The following ALDH7A1 variants were observed in gnomAD, a reference collection of about 807,000 sequenced individuals.
ALDH7A1 encodes aldehyde dehydrogenase 7 family member A1.
In ALDH7A1, 63 loss-of-function variants were observed where a neutral mutation model predicts 79.9. That is an observed-to-expected ratio of 0.79 (90% confidence interval 0.64 to 0.97). The LOEUF (loss-of-function observed/expected upper bound fraction) is 0.97. Ranked by LOEUF, ALDH7A1 falls within the 50% of genes least tolerant of loss-of-function variation. The probability of loss-of-function intolerance (pLI) is 0.00; values close to 1 mark genes in which losing one functional copy is unlikely to be tolerated. For synonymous variants in ALDH7A1, 240 were observed against 231.2 expected (o/e 1.04, Z -0.34); for missense variants, 627 against 665.2 (o/e 0.94, Z 0.63).
intron 12 of ALDH7A1, 137 bp downstream of exon 12, chr5:126,555,794 C>A (rs1750172980): frequency 7.0e-6 from 5 of 711,968 alleles, no homozygotes; most frequent in South Asian, 1.5e-5. Flanking sequence ...ACACGATACA[C>A]CAAAGCCTAA....
intron 3 of ALDH7A1, among the ~76,000 whole-genome samples, chr5:126,590,481 C>T (rs1484744799): frequency 1.3e-5 from 2 of 152,058 alleles, no homozygotes; most frequent in Non-Finnish European, 2.9e-5. Flanking sequence ...ATCACTTGAA[C>T]CCGAAAGGCA....
At chr5:126,585,582 C>T (rs913357585) in intron 3 of ALDH7A1, among the ~76,000 whole-genome samples, 3 of 152,014 alleles carry the variant, frequency 2.0e-5, no homozygotes, top group Admixed American at 6.6e-5. Flanking sequence ...TTTTTTGAGA[C>T]GGGGTCTCGC....
chr5:126,571,277 A>T, intron 7 of ALDH7A1: 1 of 237,434 alleles, frequency 4.2e-6, no homozygotes, highest in South Asian at 5.3e-5. Context: ...GAGGAGTTCA[A>T]CACCAGCCTG....
intron 12 of ALDH7A1, chr5:126,555,367 C>T (rs1750155327): frequency 6.5e-6 from 1 of 154,270 alleles, no homozygotes; most frequent in South Asian, 2.0e-4. Context: ...CCTGTAATCC[C>T]AGCTATTCGA....
chr5:126,550,313 AAG>A lies in ALDH7A1; in HGVS notation c.1318-22_1318-21del. 1 of 1,559,896 alleles carries A rather than the reference AAG, an allele frequency of 6.4e-7. No individual in the cohort carries two copies. The highest frequency in any genetic ancestry group is 8.8e-7 in the Non-Finnish European group (1 of 1,132,128). On this transcript the variant is annotated intron_variant, in intron 14 of 17. Coordinates refer to ENST00000409134, the MANE Select transcript of ALDH7A1 (RefSeq NM_001182.5). ...TTCATTCTAAAAGGAGAGACATTGGAAGCTGTAAGATGTTATAGTGTTCAAGT... is the reference window on the plus strand; with the variant it reads ...TTCATTCTAAAAGGAGAGACATTGGACTGTAAGATGTTATAGTGTTCAAGT...
rs115541004 is a variant in ALDH7A1, at chr5:126,563,497, T to A, written c.872-2373A>T. ...GTTATATAGCAGGCCATGAATGCCA[T>A]TCTTTTTTTTCAGTCAGAGTCTTGC... On this transcript the variant is annotated intron_variant, in intron 9 of 17. Transcript: ENST00000409134. Among the ~76,000 whole-genome samples the A allele has an allele frequency of 6.8e-3, 1,035 of 152,308 alleles. 9 individuals are homozygous for A. The highest frequency in any genetic ancestry group is 0.023 in the African/African-American group (950 of 41,554).
chr5:126,592,633 TC>T, intron 3 of ALDH7A1, 30 bp downstream of exon 3: 1 of 1,606,214 alleles, frequency 6.2e-7, no homozygotes, highest in East Asian at 2.2e-5. Context: ...AGTGATCTTT[TC>T]TGAATTCTAG....
Position 126,571,202 on chromosome 5 carries a change from G to C in ALDH7A1, c.696-343C>G, listed in dbSNP as rs77919877. 5.0e-3 allele frequency: 1,539 copies of C among 307,478 alleles called. 25 individuals carry two copies. The highest frequency in any genetic ancestry group is 0.033 in the African/African-American group (1,440 of 43,068). 19.0% of individuals were successfully genotyped at this position (307,478 alleles called of 1,614,324 possible). A position where few individuals can be genotyped will look rare whatever the true frequency, so the allele number is the denominator to read the frequency against. ...AGCCCTAAAAGAATCTTGAGGCCAGGTGTGGTGGCTCATGCCTGCAATCCC... is the reference window on the plus strand; with the variant it reads ...AGCCCTAAAAGAATCTTGAGGCCAGCTGTGGTGGCTCATGCCTGCAATCCC... On this transcript the variant is annotated intron_variant, in intron 7 of 17. Coordinates refer to ENST00000409134, the MANE Select transcript of ALDH7A1 (RefSeq NM_001182.5).
At chr5:126,594,851 AAG>A (rs1182246909) in intron 1 of ALDH7A1, among the ~76,000 whole-genome samples, 154 bp downstream of exon 1, 1 of 151,714 alleles carries the variant, frequency 6.6e-6, no homozygotes, top group Non-Finnish European at 1.5e-5. Flanking sequence ...TTTTGTTTTA[AAG>A]GCACCCTACA....
At chr5:126,556,530 C>T (rs544612293) in intron 11 of ALDH7A1, among the ~76,000 whole-genome samples, 2 of 152,264 alleles carry the variant, frequency 1.3e-5, no homozygotes, top group East Asian at 3.9e-4. Context: ...AGGTGTGAGC[C>T]ACCACACCCG....
chr5:126,546,016 G>A (rs751984600), intron 17 of ALDH7A1, among the ~76,000 whole-genome samples: 2 of 151,800 alleles, frequency 1.3e-5, no homozygotes, highest in Non-Finnish European at 2.9e-5. Flanking sequence ...GGGAGGCCAA[G>A]GCGGGTGGAT....
chr5:126,552,544 C>T (rs1750036338), intron 13 of ALDH7A1, among the ~76,000 whole-genome samples: 1 of 152,002 alleles, frequency 6.6e-6, no homozygotes, highest in South Asian at 2.1e-4. Flanking sequence ...AGGCATGCAC[C>T]ACCATGCCCA....
At chr5:126,554,829 T>C (rs1750127601) in intron 12 of ALDH7A1, 1 of 297,980 alleles carries the variant, frequency 3.4e-6, no homozygotes, top group Non-Finnish European at 6.5e-6. Context: ...AGTTGGTGTA[T>C]AATTCAAGGG....
rs11395324 is a variant in ALDH7A1 at position 126,542,146 on chromosome 5, GAAAAAAAA to G, written c.*2811_*2818del. On this transcript the variant is annotated 3_prime_UTR_variant, in exon 18 of 18. Transcript: ENST00000409134. ...TTCTGCAGGATAAGCTCCAGGTGTA[GAAAAAAAA>G]AAAAAAAAAAAAGTTTGTTGGAGAC... The G allele has an allele frequency of 2.1e-5, 2 of 94,556 alleles. No individual in the cohort carries two copies. The highest frequency in any genetic ancestry group is 3.8e-4 in the South Asian group (1 of 2,640). The allele number at this position is 94,556 out of a possible 1,614,324, so 5.9% of individuals were successfully genotyped here.
At chr5:126,593,326 C>G (rs772785359) in intron 2 of ALDH7A1, 25 bp downstream of exon 2, 1 of 1,609,852 alleles carries the variant, frequency 6.2e-7, no homozygotes, top group Non-Finnish European at 8.5e-7. Context: ...CACACACACA[C>G]ACACACACAC....
intron 7 of ALDH7A1, among the ~76,000 whole-genome samples, chr5:126,572,883 A>G (rs530217021): frequency 1.3e-5 from 2 of 152,318 alleles, no homozygotes; most frequent in South Asian, 4.1e-4. Flanking sequence ...ATCCTTCTGA[A>G]TACACAGAAG....
At chr5:126,555,045 T>C (rs943030893) in intron 12 of ALDH7A1, 1 of 157,598 alleles carries the variant, frequency 6.3e-6, no homozygotes, top group African/African-American at 2.4e-5. Context: ...TGAAAGGATG[T>C]TGGAGAAGGT....
chr5:126,567,851 T>G (rs1056383173), intron 9 of ALDH7A1: 32 of 195,070 alleles, frequency 1.6e-4, no homozygotes, highest in Admixed American at 1.1e-3. Context: ...TGGCGCCATC[T>G]CGGCTCACTG....
chr5:126,590,627 G>A (rs1581403774), intron 3 of ALDH7A1, among the ~76,000 whole-genome samples: 3 of 152,296 alleles, frequency 2.0e-5, no homozygotes, highest in Admixed American at 2.0e-4. Flanking sequence ...GTTCACGCCT[G>A]TAATCCCAGC....
Sources: gnomAD v4.1 joint callset for allele counts (sites outside exome capture counted in the v4.1 genomes callset) on GRCh38, gnomAD v4.1.1 for gene constraint, MANE v1.5 for transcripts, NCBI Gene and HGNC (gene_info 2026-07-23, HGNC 2026-07-21) for gene names.